Variants in CPT1B observed in about 807,000 individuals in gnomAD.
CPT1B encodes carnitine O-palmitoyltransferase 1, muscle isoform.
Under a neutral mutation model 92.7 loss-of-function variants are expected in CPT1B, and 57 were observed. The observed-to-expected ratio is 0.62, with a 90% CI of 0.50 to 0.77. The LOEUF (loss-of-function observed/expected upper bound fraction) is 0.77, where lower values mean the gene tolerates loss of function less well. Ranked by LOEUF, CPT1B falls within the 30% of genes least tolerant of loss-of-function variation. The probability of loss-of-function intolerance (pLI) is 0.00; values close to 1 mark genes in which losing one functional copy is unlikely to be tolerated. For missense variants in CPT1B, 983 were observed against 1,017.4 expected, an observed-to-expected ratio of 0.97 and a Z score of 0.46; for synonymous variants, 398 against 383.5, an observed-to-expected ratio of 1.04 and a Z score of -0.44.
chr22:50,569,464 C>G, intron 18 of CPT1B, 43 bp from the exon 19 acceptor site: 1 of 1,611,270 alleles, frequency 6.2e-7, no homozygotes, highest in South Asian at 1.1e-5. Context: ...GATATGTACC[C>G]ACCCCTCTGT....
intron 7 of CPT1B, among the ~76,000 whole-genome samples, chr22:50,575,412 G>A (rs2070386259): frequency 6.6e-6 from 1 of 152,230 alleles, no homozygotes; most frequent in Non-Finnish European, 1.5e-5. Flanking sequence ...TCTGCTATGG[G>A]CAAGTTGTGT....
Position 50,573,459 on chromosome 22 carries a change from C to T in CPT1B, c.1166+61G>A. 1 of 1,462,208 alleles carries T rather than the reference C, an allele frequency of 6.8e-7. No homozygotes were observed. Among genetic ancestry groups the T allele is most frequent in the Non-Finnish European group, 9.3e-7 (1 of 1,080,232 alleles). 90.6% of individuals were successfully genotyped at this position (1,462,208 alleles called of 1,614,324 possible). A position where few individuals can be genotyped will look rare whatever the true frequency, so the allele number is the denominator to read the frequency against. On this transcript the variant is annotated intron_variant, in intron 10 of 19. Transcript: ENST00000312108. This position sits in a 1 kb window ranked among gnomAD's most constrained non-coding sequence, Gnocchi z 5.0. ...TTCCAGGGTGGCAGGCAGGGCCACG[C>T]TCCTCTCCTCACGGAGCCCTGAACT... is the stretch of plus-strand genomic sequence containing the variant.
chr22:50,572,294 G>T lies in CPT1B; in HGVS notation c.1367C>A (p.Ser456Tyr). The change falls in exon 12 of 20, where the codon TCC (serine) becomes TAC (tyrosine). Residue 456 changes from serine to tyrosine, a missense_variant. Coordinates refer to ENST00000312108, the MANE Select transcript of CPT1B (RefSeq NM_152246.3). ...GNCYNRWFDKSFTLISFKNGQ... is the reference protein window; with the variant it reads ...GNCYNRWFDKYFTLISFKNGQ... ...ATTCTTGAAGGAAATGAGAGTGAAGGATTTGTCAAACCACCTGCAGGAAGA... is the reference window on the plus strand; with the variant it reads ...ATTCTTGAAGGAAATGAGAGTGAAGTATTTGTCAAACCACCTGCAGGAAGA... 1.9e-6 allele frequency: 3 copies of T among 1,611,672 alleles called. No homozygotes were observed. The highest frequency in any genetic ancestry group is 1.7e-6 in the Non-Finnish European group (2 of 1,177,980).
chr22:50,574,806 A>C, intron 7 of CPT1B: 1 of 558,926 alleles, frequency 1.8e-6, no homozygotes, highest in Non-Finnish European at 3.2e-6. Context: ...GAGCTGCTTT[A>C]TTCTTTATTT....
In CPT1B at chr22:50,569,630, T is replaced by C. The variant is rs144698481; in HGVS notation, c.2181A>G (p.Ala727=). 116 of 1,614,016 alleles carry C rather than the reference T, an allele frequency of 7.2e-5. No individual in the cohort carries two copies. The highest frequency in any genetic ancestry group is 6.6e-4 in the Middle Eastern group (4 of 6,062). Residue 727 remains alanine, a synonymous_variant, in exon 18 of 20, where the codon GCA becomes GCG. Coordinates refer to ENST00000312108, the MANE Select transcript of CPT1B (RefSeq NM_152246.3). ...DDGYGVSYMI[A]GENTIFFHIS... ...TGTGGAAGAAGATCGTGTTCTCGCCTGCAATCATGTAGGAAACTCCATAGC... is the reference window on the plus strand; with the variant it reads ...TGTGGAAGAAGATCGTGTTCTCGCCCGCAATCATGTAGGAAACTCCATAGC...
chr22:50,569,708 C>T (rs1299928936), intron 17 of CPT1B, 40 bp from the exon 18 acceptor site: 2 of 1,516,820 alleles, frequency 1.3e-6, no homozygotes, highest in East Asian at 2.2e-5. Flanking sequence ...ATAAATCAAA[C>T]CTTGAAGATC....
In CPT1B at chr22:50,568,879, T is replaced by C. The variant is rs552092620; in HGVS notation, c.*205A>G. 1 of 157,456 alleles carries C rather than the reference T, an allele frequency of 6.4e-6. No homozygotes were observed. Among genetic ancestry groups the C allele is most frequent in the Admixed American group, 6.3e-5 (1 of 15,922 alleles). 9.8% of individuals were successfully genotyped at this position (157,456 alleles called of 1,614,324 possible). On this transcript the variant is annotated 3_prime_UTR_variant, in exon 20 of 20. Coordinates refer to ENST00000312108, the MANE Select transcript of CPT1B (RefSeq NM_152246.3). The stretch of plus-strand genomic sequence containing the variant: ...GAACAGGTGAAGGTTCTGAGGCAAG[T>C]ATTTATTCCAAGCAAACACGTGGGC...
At chr22:50,571,644 C>T (rs1055128014) in intron 13 of CPT1B, 105 bp from the exon 14 acceptor site, 58 of 1,277,224 alleles carry the variant, frequency 4.5e-5, no homozygotes, top group African/African-American at 1.5e-4. Context: ...AGGGCACAGC[C>T]GGCCAAGACA....
chr22:50,571,923 G>A (rs139628156), intron 13 of CPT1B, 83 bp downstream of exon 13: 3 of 1,260,518 alleles, frequency 2.4e-6, no homozygotes, highest in East Asian at 2.3e-5. Context: ...GCCAGCAGGG[G>A]AGGAGGAGGC....
At position 50,574,514 on chromosome 22, in the gene CPT1B, C is replaced by T. The variant is rs375155139; in HGVS notation, c.864G>A (p.Leu288=). ...IHAMIMYRRK[L]DREEIKPVMA... is the part of the protein sequence containing the mutation. ...TCACAGGCTTGATTTCTTCACGGTC[C>T]AGTTTACGGCGATACATGATCATGG... Residue 288 remains leucine (L), a synonymous_variant, in exon 8 of 20, where the codon CTG becomes CTA. Transcript: ENST00000312108. 8.1e-6 allele frequency: 13 copies of T among 1,614,038 alleles called. No individual in the cohort carries two copies. Among genetic ancestry groups the T allele is most frequent in the Middle Eastern group, 1.6e-4 (1 of 6,084 alleles).
At chr22:50,574,125 G>A (rs1569044346) in intron 9 of CPT1B, among the ~76,000 whole-genome samples, 1 of 152,246 alleles carries the variant, frequency 6.6e-6, no homozygotes, top group African/African-American at 2.4e-5. Context: ...TGCGCAGTGA[G>A]CCCCGGAGGG....
rs1052220905 is a variant in CPT1B, at chr22:50,573,603, C to T, written c.1083G>A (p.Glu361=). 3 of 1,613,582 alleles carry T rather than the reference C, an allele frequency of 1.9e-6. No individual in the cohort carries two copies. The highest frequency in any genetic ancestry group is 1.3e-5 in the African/African-American group (1 of 74,918). ...CGTCCAGGATCCTCTGGAACTGCAT[C>T]TCCAGATCCTGAGGCTTGAGCAGAC... is the stretch of plus-strand genomic sequence containing the variant. ...GARLLKPQDL[E]MQFQRILDDP... is the part of the protein sequence containing the mutation. The change falls in exon 10 of 20, where the codon GAG becomes GAA. Residue 361 remains glutamate (E), a synonymous_variant. Coordinates refer to ENST00000312108, the MANE Select transcript of CPT1B (RefSeq NM_152246.3). This position sits in a 1 kb window ranked among gnomAD's most constrained non-coding sequence, Gnocchi z 5.0.
At position 50,574,370 on chromosome 22, in the gene CPT1B, A is replaced by G. The variant is rs1417041802; in HGVS notation, c.935T>C (p.Met312Thr). The G allele has an allele frequency of 6.2e-7, 1 of 1,613,998 alleles. No individual in the cohort carries two copies. The highest frequency in any genetic ancestry group is 1.7e-5 in the Admixed American group (1 of 59,982). Residue 312 changes from methionine to threonine, a missense_variant, in exon 9 of 20, where the codon ATG becomes ACG. Met to Thr is a moderately conservative substitution (Grantham distance 81). Coordinates refer to ENST00000312108, the MANE Select transcript of CPT1B (RefSeq NM_152246.3). ...VPMCSYQMER[M>T]FNTTRIPGKD... ...GCCCGGGATCCGAGTGGTGTTGAAC[A>G]TCCTCTCCATCTGGTAGGAGCACAT...
intron 9 of CPT1B, among the ~76,000 whole-genome samples, chr22:50,574,125 GC>G (rs1569044350): frequency 6.6e-6 from 1 of 152,246 alleles, no homozygotes; most frequent in African/African-American, 2.4e-5. Flanking sequence ...TGCGCAGTGA[GC>G]CCCGGAGGGG....
rs1320892467 is a variant in CPT1B, at chr22:50,573,594, G to A, written c.1092C>T (p.Phe364=). Residue 364 remains phenylalanine, a synonymous_variant, in exon 10 of 20, where the codon TTC becomes TTT. Transcript: ENST00000312108. The surrounding 1 kb of genome is among the most constrained non-coding windows in gnomAD (Gnocchi z 5.0). The stretch of plus-strand genomic sequence containing the variant: ...GGGAGGGGTCGTCCAGGATCCTCTG[G>A]AACTGCATCTCCAGATCCTGAGGCT... ...LLKPQDLEMQ[F]QRILDDPSPP... The A allele has an allele frequency of 1.2e-6, 2 of 1,613,690 alleles. No homozygotes were observed. The highest frequency in any genetic ancestry group is 2.2e-5 in the East Asian group (1 of 44,874).
At chr22:50,569,757 G>C (rs2070070115) in intron 17 of CPT1B, 89 bp from the exon 18 acceptor site, 1 of 1,165,966 alleles carries the variant, frequency 8.6e-7, no homozygotes, top group African/African-American at 1.5e-5. Context: ...CTTCCCACAA[G>C]AGTTGCAGGA....
Position 50,573,657 on chromosome 22 carries a change from G to A in CPT1B, c.1029C>T (p.Phe343=), listed in dbSNP as rs779263993. Residue 343 remains phenylalanine, a synonymous_variant, in exon 10 of 20, where the codon TTC becomes TTT. Coordinates refer to ENST00000312108, the MANE Select transcript of CPT1B (RefSeq NM_152246.3). The surrounding 1 kb of genome is among the most constrained non-coding windows in gnomAD (Gnocchi z 5.0). Reference sequence around the variant, plus strand: ...CGCCCTCATAGAGCCACAGCTTGAAGAAGCGTCCCTTGTGGTAGACAGCCA... The same window carrying A: ...CGCCCTCATAGAGCCACAGCTTGAAAAAGCGTCCCTTGTGGTAGACAGCCA... ...RHVAVYHKGR[F]FKLWLYEGAR... is the part of the protein sequence containing the mutation. 3 of 1,613,404 alleles carry A rather than the reference G, an allele frequency of 1.9e-6. No individual in the cohort carries two copies. Among genetic ancestry groups the A allele is most frequent in the African/African-American group, 1.3e-5 (1 of 75,064 alleles).
At position 50,570,943 on chromosome 22, in the gene CPT1B, C is replaced by T. The variant is rs1320438508; in HGVS notation, c.1976G>A (p.Cys659Tyr). 2 of 1,613,830 alleles carry T rather than the reference C, an allele frequency of 1.2e-6. No individual in the cohort carries two copies. Among genetic ancestry groups the T allele is most frequent in the African/African-American group, 1.3e-5 (1 of 74,948 alleles). Residue 659 changes from cysteine (C) to tyrosine (Y), a missense_variant, in exon 16 of 20, where the codon TGC becomes TAC. Transcript: ENST00000312108. The stretch of plus-strand genomic sequence containing the variant: ...TAGGTACTTGGAGACCAAGTAAAGG[C>T]AGAAGAGGTGCCTGTCGATCCCTGC... ...TGAGIDRHLF[C>Y]LYLVSKYLGV...
Position 50,577,853 on chromosome 22 carries a change from G to A in CPT1B, c.63C>T (p.Phe21=). Residue 21 remains phenylalanine, a synonymous_variant, in exon 2 of 20, where the codon TTC becomes TTT. Coordinates refer to ENST00000312108, the MANE Select transcript of CPT1B (RefSeq NM_152246.3). ...QFTVTPDGVD[F]RLSREALKHV... ...GTTTCAGGGCCTCCCGACTGAGCCGGAAGTCGACCCCGTCTGGGGTCACCG... is the reference window on the plus strand; with the variant it reads ...GTTTCAGGGCCTCCCGACTGAGCCGAAAGTCGACCCCGTCTGGGGTCACCG... The A allele has an allele frequency of 6.2e-7, 1 of 1,613,740 alleles. No individual in the cohort carries two copies. The highest frequency in any genetic ancestry group is 8.5e-7 in the Non-Finnish European group (1 of 1,179,918).
Sources: gnomAD v4.1 joint callset for allele counts (sites outside exome capture counted in the v4.1 genomes callset) on GRCh38, gnomAD v4.1.1 for gene constraint, Gnocchi (gnomAD v3.1) non-coding constraint, MANE v1.5 for transcripts, NCBI Gene and HGNC (gene_info 2026-07-23, HGNC 2026-07-21) for gene names.